Variants in LPP observed in about 807,000 individuals in gnomAD.
LPP encodes lipoma-preferred partner.
A neutral mutation model predicts 60.4 loss-of-function variants in LPP; 38 were observed. That is an observed-to-expected ratio of 0.63 (90% CI 0.49 to 0.83). The LOEUF (loss-of-function observed/expected upper bound fraction) is 0.83, where lower values mean the gene tolerates loss of function less well. LPP is among the 40% of genes least tolerant of loss of function. The pLI is 0.00. For synonymous variants in LPP, 328 were observed against 290.8 expected, an observed-to-expected ratio of 1.13 and a Z score of -1.30; for missense variants, 902 against 783.6, an observed-to-expected ratio of 1.15 and a Z score of -1.80.
intron 1 of LPP, among the ~76,000 whole-genome samples, chr3:188,195,812 T>C (rs555858162): frequency 6.6e-6 from 1 of 152,360 alleles, no homozygotes; most frequent in East Asian, 1.9e-4. Flanking sequence ...TGCAGGAAAT[T>C]AACAATTTCA....
chr3:188,153,884 G>C (rs912726246), upstream of LPP: 2 of 152,626 alleles, frequency 1.3e-5, no homozygotes, highest in Non-Finnish European at 2.9e-5. Context: ...GGAGGAAGGA[G>C]GGGGAAAGGC....
At chr3:188,452,064 A>G (rs1400755032) in intron 4 of LPP, among the ~76,000 whole-genome samples, 1 of 152,106 alleles carries the variant, frequency 6.6e-6, no homozygotes, top group Admixed American at 6.5e-5. Flanking sequence ...GTACTTAACA[A>G]TCTGGTTTCA....
At chr3:188,362,695 A>G (rs919832743) in intron 3 of LPP, among the ~76,000 whole-genome samples, 2 of 152,136 alleles carry the variant, frequency 1.3e-5, no homozygotes, top group Admixed American at 6.5e-5. Context: ...CAGTACTTCT[A>G]TGTGTGTATA....
chr3:188,475,716 A>C (rs769568437), intron 4 of LPP, among the ~76,000 whole-genome samples: 1 of 151,956 alleles, frequency 6.6e-6, no homozygotes, highest in African/African-American at 2.4e-5. Flanking sequence ...TCCTGGCTAA[A>C]ACAGTGAAAC....
chr3:188,843,786 C>CAAA lies in LPP; in HGVS notation c.1411-22404_1411-22402dup, dbSNP rs544161994. On this transcript the variant is annotated intron_variant, in intron 9 of 11. Transcript: ENST00000617246. ...TGGGCGACAGAGCAAGACTCCGTCTCAAAAAAAAAAAATCCTTCCTCTGGG... is the reference window on the plus strand; with the variant it reads ...TGGGCGACAGAGCAAGACTCCGTCTCAAAAAAAAAAAAAAATCCTTCCTCTGGG... 5.3e-5 allele frequency among the ~76,000 whole-genome samples: 4 copies of CAAA among 75,732 alleles called. 1 individual carries two copies. The highest frequency in any genetic ancestry group is 3.0e-4 in the Admixed American group (2 of 6,676). The allele number at this position is 75,732 out of a possible 152,430, so 49.7% of individuals were successfully genotyped here. A position where few individuals can be genotyped will look rare whatever the true frequency, so the allele number is the denominator to read the frequency against.
Position 188,872,760 on chromosome 3 carries a change from C to A in LPP, c.1707C>A (p.Cys569Ter). The change falls in exon 11 of 12, where the codon TGC becomes TGA. Residue 569 changes from cysteine (C) to a stop codon, truncating the protein, a stop_gained. Coordinates refer to ENST00000617246, the MANE Select transcript of LPP (RefSeq NM_001375462.1). LOFTEE classifies it high-confidence loss of function. ...DRDFHVHCYR[C>*]EDCGGLLSEG... ...ATTTCCATGTTCACTGCTACCGATG[C>A]GAGGTCTGGTTGACAGCCCTGCCCT... 5 of 1,613,926 alleles carry A rather than the reference C, an allele frequency of 3.1e-6. No individual in the cohort carries two copies. The highest frequency in any genetic ancestry group is 4.2e-6 in the Non-Finnish European group (5 of 1,179,938).
chr3:188,578,222 C>G (rs1395413059), intron 6 of LPP, among the ~76,000 whole-genome samples: 2 of 151,864 alleles, frequency 1.3e-5, no homozygotes, highest in Admixed American at 1.3e-4. Context: ...TATGGTCCTT[C>G]CTCTTCCCTT....
chr3:188,590,590 T>C (rs1054597763), intron 6 of LPP, among the ~76,000 whole-genome samples: 1 of 152,056 alleles, frequency 6.6e-6, no homozygotes, highest in Non-Finnish European at 1.5e-5. Context: ...TAAAAAGACA[T>C]AATTGCAAAA....
chr3:188,333,742 T>G (rs898639666), intron 2 of LPP, among the ~76,000 whole-genome samples: 1 of 152,210 alleles, frequency 6.6e-6, no homozygotes, highest in African/African-American at 2.4e-5. Flanking sequence ...TTATTATTAT[T>G]TTAAATTAAC....
chr3:188,392,124 A>G (rs919755327), intron 3 of LPP, among the ~76,000 whole-genome samples: 1 of 152,172 alleles, frequency 6.6e-6, no homozygotes, highest in Non-Finnish European at 1.5e-5. Context: ...TGTGTAGTAG[A>G]TATTAAGTTG....
chr3:188,377,704 C>T (rs141134871), intron 3 of LPP, among the ~76,000 whole-genome samples: 1,699 of 152,292 alleles, frequency 0.011, 29 homozygotes, highest in African/African-American at 0.037. Flanking sequence ...CTTCTCTCAA[C>T]TTGTCAAAGT....
At chr3:188,578,304 A>G (rs905613827) in intron 6 of LPP, among the ~76,000 whole-genome samples, 2 of 151,716 alleles carry the variant, frequency 1.3e-5, no homozygotes, top group African/African-American at 4.8e-5. Context: ...AAGGTTCATA[A>G]AATCTTGATT....
At chr3:188,289,075 C>T (rs1745080528) in intron 2 of LPP, among the ~76,000 whole-genome samples, 1 of 151,898 alleles carries the variant, frequency 6.6e-6, no homozygotes, top group South Asian at 2.1e-4. Flanking sequence ...TAATAATTTT[C>T]AAATTGAGAA....
chr3:188,315,062 C>T (rs964894510), intron 2 of LPP, among the ~76,000 whole-genome samples: 3 of 146,630 alleles, frequency 2.0e-5, no homozygotes, highest in African/African-American at 7.7e-5. Flanking sequence ...TGTGTTTGCT[C>T]TTTAAAATTT....
intron 2 of LPP, among the ~76,000 whole-genome samples, chr3:188,244,719 T>C (rs1388541952): frequency 6.6e-6 from 1 of 151,834 alleles, no homozygotes; most frequent in Non-Finnish European, 1.5e-5. Flanking sequence ...TCTACCCCTC[T>C]CTCTCTGAGT....
chr3:188,317,806 C>CTGAGGGGATGGTGCACAG (rs1372761724), intron 2 of LPP, among the ~76,000 whole-genome samples: 1 of 151,672 alleles, frequency 6.6e-6, no homozygotes, highest in East Asian at 1.9e-4. Flanking sequence ...AAATGAAGCT[C>CTGAGGGGATGGTGCACAG]TGAGGGGATG....
At chr3:188,335,930 G>T (rs1366658780) in intron 2 of LPP, among the ~76,000 whole-genome samples, 1 of 152,150 alleles carries the variant, frequency 6.6e-6, no homozygotes, top group Non-Finnish European at 1.5e-5. Flanking sequence ...GTTGGGAGGG[G>T]TGTGATGACT....
At chr3:188,241,342 G>C (rs1170803057) in intron 2 of LPP, among the ~76,000 whole-genome samples, 1 of 152,212 alleles carries the variant, frequency 6.6e-6, no homozygotes, top group Non-Finnish European at 1.5e-5. Flanking sequence ...GACAGCCCCA[G>C]ACACCCTCGG....
chr3:188,869,286 G>A, intron 10 of LPP, among the ~76,000 whole-genome samples: 1 of 152,052 alleles, frequency 6.6e-6, no homozygotes, highest in South Asian at 2.1e-4. Context: ...TTATTTATTT[G>A]TTTATTTTAT....
Sources: gnomAD v4.1 joint callset for allele counts (sites outside exome capture counted in the v4.1 genomes callset) on GRCh38, gnomAD v4.1.1 for gene constraint, MANE v1.5 for transcripts, NCBI Gene and HGNC (gene_info 2026-07-23, HGNC 2026-07-21) for gene names.